The following CRTC3 variants were observed in gnomAD, a reference collection of about 807,000 sequenced individuals.
CRTC3 encodes the protein CREB-regulated transcription coactivator 3.
CRTC3 carries 26 observed loss-of-function variants against 74.5 expected under a neutral mutation model. The observed-to-expected ratio is 0.35, with a 90% confidence interval of 0.26 to 0.48. The LOEUF (loss-of-function observed/expected upper bound fraction) is 0.48. Ranked by LOEUF, CRTC3 falls within the 20% of genes least tolerant of loss-of-function variation. The probability of loss-of-function intolerance (pLI) is 0.99; values close to 1 mark genes in which losing one functional copy is unlikely to be tolerated. For missense variants in CRTC3, 760 were observed against 787.3 expected, an observed-to-expected ratio of 0.97 and a Z score of 0.41; for synonymous variants, 377 against 325.8, an observed-to-expected ratio of 1.16 and a Z score of -1.69.
intron 5 of CRTC3, among the ~76,000 whole-genome samples, chr15:90,605,155 G>A (rs1440573474): frequency 2.0e-5 from 3 of 152,080 alleles, no homozygotes; most frequent in Non-Finnish European, 4.4e-5. Context: ...AGGAGGCTGA[G>A]GTGGGGAGGA....
chr15:90,562,105 AG>A (rs1967024040), intron 2 of CRTC3, among the ~76,000 whole-genome samples: 1 of 152,180 alleles, frequency 6.6e-6, no homozygotes, highest in African/African-American at 2.4e-5. Context: ...GACTTGAGAA[AG>A]CTCTCCCCTC....
intron 9 of CRTC3, among the ~76,000 whole-genome samples, chr15:90,621,888 A>G (rs1968664041): frequency 6.6e-6 from 1 of 152,206 alleles, no homozygotes; most frequent in Non-Finnish European, 1.5e-5. Flanking sequence ...TTAAACAATG[A>G]ACAAAACAGA....
At chr15:90,608,235 C>A (rs1475398902) in intron 6 of CRTC3, among the ~76,000 whole-genome samples, 1 of 152,146 alleles carries the variant, frequency 6.6e-6, no homozygotes, top group Non-Finnish European at 1.5e-5. Flanking sequence ...CAGAGCGAAC[C>A]CAAACCTGAT....
rs187093406 is a variant in CRTC3, at chr15:90,599,862, G to A, written c.352-2462G>A. On this transcript the variant is annotated intron_variant, in intron 3 of 14. Transcript: ENST00000268184. ...AGATGGCAGTGTACTGAGAAAAATGGTAAACTTCTACTTCCTGAAATTAAG... is the reference window on the plus strand; with the variant it reads ...AGATGGCAGTGTACTGAGAAAAATGATAAACTTCTACTTCCTGAAATTAAG... 3.2e-3 allele frequency among the ~76,000 whole-genome samples: 493 copies of A among 152,288 alleles called. 3 individuals carry two copies. The highest frequency in any genetic ancestry group is 0.012 in the African/African-American group (483 of 41,560).
chr15:90,580,661 C>G (rs567234534), intron 2 of CRTC3, among the ~76,000 whole-genome samples: 1 of 152,206 alleles, frequency 6.6e-6, no homozygotes, highest in Admixed American at 6.5e-5. Flanking sequence ...CTCCTGACCC[C>G]AGGTGATCCA....
intron 2 of CRTC3, among the ~76,000 whole-genome samples, chr15:90,552,563 G>A (rs777540619): frequency 7.2e-5 from 11 of 152,088 alleles, no homozygotes; most frequent in Non-Finnish European, 1.6e-4. Context: ...CCTAGGATGA[G>A]CTGTGGTGTG....
intron 2 of CRTC3, among the ~76,000 whole-genome samples, chr15:90,578,784 T>C (rs986462060): frequency 1.3e-5 from 2 of 152,206 alleles, no homozygotes; most frequent in African/African-American, 2.4e-5. Flanking sequence ...CACTGTTATA[T>C]AGGGTATTTG....
At chr15:90,535,161 CA>C (rs34328900) in intron 1 of CRTC3, among the ~76,000 whole-genome samples, 103,813 of 128,406 alleles carry the variant, frequency 0.81, 40,761 homozygotes, top group African/African-American at 0.87. Context: ...AACTCCGTCT[CA>C]AAAAAAAAAA....
intron 2 of CRTC3, among the ~76,000 whole-genome samples, chr15:90,568,256 A>G (rs752539453): frequency 1.7e-4 from 26 of 152,178 alleles, no homozygotes; most frequent in Non-Finnish European, 3.5e-4. Context: ...GATGGAATCT[A>G]CTCCTGGTGA....
intron 2 of CRTC3, among the ~76,000 whole-genome samples, chr15:90,545,723 C>G (rs970284490): frequency 6.8e-6 from 1 of 146,378 alleles, no homozygotes; most frequent in Non-Finnish European, 1.5e-5. Context: ...ACTACAGGCA[C>G]CTGCCACCAC....
At chr15:90,602,831 G>A (rs1311195329) in intron 4 of CRTC3, among the ~76,000 whole-genome samples, 1 of 150,732 alleles carries the variant, frequency 6.6e-6, no homozygotes, top group African/African-American at 2.5e-5. Flanking sequence ...AAAATTAGCT[G>A]GGCATGACAG....
At chr15:90,637,032 G>A (rs1312093796) in intron 11 of CRTC3, among the ~76,000 whole-genome samples, 1 of 152,172 alleles carries the variant, frequency 6.6e-6, no homozygotes. Context: ...AATACCATTT[G>A]ACCCAGCCAT....
rs940593643 is a variant in CRTC3 at position 90,539,983 on chromosome 15, G to C, written c.133-56G>C. 8 of 1,152,744 alleles carry C rather than the reference G, an allele frequency of 6.9e-6. No homozygotes were observed. The Admixed American group carries it at 1.1e-4, about 16-fold the overall frequency. 71.4% of individuals were successfully genotyped at this position (1,152,744 alleles called of 1,614,324 possible). Reference sequence around the variant, plus strand: ...CCCCTACAAAATACTATACTTTGATGCTTCTTTAGATCTTTGCTGTTACCT... The same window carrying C: ...CCCCTACAAAATACTATACTTTGATCCTTCTTTAGATCTTTGCTGTTACCT... On this transcript the variant is annotated intron_variant, in intron 1 of 14. Coordinates refer to ENST00000268184, the MANE Select transcript of CRTC3 (RefSeq NM_022769.5).
At chr15:90,607,899 C>A (rs1161557986) in intron 6 of CRTC3, among the ~76,000 whole-genome samples, 1 of 152,214 alleles carries the variant, frequency 6.6e-6, no homozygotes, top group Admixed American at 6.5e-5. Context: ...ACCTTTATTA[C>A]TACTAAGACC....
At chr15:90,582,960 C>A (rs1967577912) in intron 2 of CRTC3, among the ~76,000 whole-genome samples, 1 of 152,124 alleles carries the variant, frequency 6.6e-6, no homozygotes, top group South Asian at 2.1e-4. Flanking sequence ...TGAGCAGGAT[C>A]CCCCAGCATG....
At chr15:90,602,676 AC>A (rs1968102960) in intron 4 of CRTC3, among the ~76,000 whole-genome samples, 13 of 152,006 alleles carry the variant, frequency 8.6e-5, no homozygotes, top group Admixed American at 7.2e-4. Flanking sequence ...AACAACAACA[AC>A]AACAAAACAC....
At chr15:90,588,585 C>T (rs1967722849) in intron 2 of CRTC3, among the ~76,000 whole-genome samples, 1 of 133,636 alleles carries the variant, frequency 7.5e-6, no homozygotes, top group Non-Finnish European at 1.6e-5. Context: ...TTGGCCAAAG[C>T]AAGTCACATG....
chr15:90,553,192 G>T (rs922014714), intron 2 of CRTC3, among the ~76,000 whole-genome samples: 2 of 152,076 alleles, frequency 1.3e-5, no homozygotes, highest in African/African-American at 4.8e-5. Flanking sequence ...TTCTGACCTT[G>T]TCTGAATTCT....
At position 90,644,816 on chromosome 15, in the gene CRTC3, A is replaced by G. The variant is rs1969569411; in HGVS notation, c.*2676A>G. On this transcript the variant is annotated 3_prime_UTR_variant, in exon 15 of 15. Coordinates refer to ENST00000268184, the MANE Select transcript of CRTC3 (RefSeq NM_022769.5). ...CATTTGAAGCAGCTGCATACTTCAG[A>G]GTAAACTATTTTTCATTATTTAGTT... The G allele has an allele frequency of 4.3e-6, 1 of 232,450 alleles. No homozygotes were observed. Among genetic ancestry groups the G allele is most frequent in the African/African-American group, 2.2e-5 (1 of 45,316 alleles). 14.4% of individuals were successfully genotyped at this position (232,450 alleles called of 1,614,324 possible). A position where few individuals can be genotyped will look rare whatever the true frequency, so the allele number is the denominator to read the frequency against.
Sources: gnomAD v4.1 joint callset for allele counts (sites outside exome capture counted in the v4.1 genomes callset) on GRCh38, gnomAD v4.1.1 for gene constraint, MANE v1.5 for transcripts, NCBI Gene and HGNC (gene_info 2026-07-23, HGNC 2026-07-21) for gene names.